MAGI1: variants seen among roughly 807,000 people sequenced by gnomAD.
The protein encoded by MAGI1 is membrane associated guanylate kinase, WW and PDZ domain containing 1, also known as membrane-associated guanylate kinase, WW and PDZ domain-containing protein 1.
Under a neutral mutation model 139.9 loss-of-function variants are expected in MAGI1, and 58 were observed. The observed-to-expected ratio is 0.41, with a 90% CI of 0.34 to 0.52. The LOEUF (loss-of-function observed/expected upper bound fraction) is 0.52. MAGI1 is among the 20% of genes least tolerant of loss of function. The pLI, the probability that MAGI1 is intolerant of heterozygous loss-of-function variation, is 0.12. For missense variants in MAGI1, 1,874 were observed against 1,901.6 expected (o/e 0.99, Z 0.27); for synonymous variants, 812 against 737.9 (o/e 1.10, Z -1.63).
intron 1 of MAGI1, among the ~76,000 whole-genome samples, chr3:65,950,044 C>CAAA (rs143046732): frequency 8.0e-5 from 4 of 49,780 alleles, no homozygotes; most frequent in African/African-American, 2.6e-4. Context: ...GCCAGATCAT[C>CAAA]AAAAAAAAAA....
At chr3:65,811,360 T>C (rs540291256) in intron 1 of MAGI1, among the ~76,000 whole-genome samples, 1 of 152,194 alleles carries the variant, frequency 6.6e-6, no homozygotes, top group Non-Finnish European at 1.5e-5. Context: ...CTTATTCCAT[T>C]AGACATTTTT....
chr3:65,870,664 T>C (rs1575782089), intron 1 of MAGI1, among the ~76,000 whole-genome samples: 1 of 134,012 alleles, frequency 7.5e-6, no homozygotes. Context: ...GGAAAGAGGG[T>C]AGAGAAGAAG....
At chr3:65,814,129 T>C (rs2041453441) in intron 1 of MAGI1, among the ~76,000 whole-genome samples, 1 of 152,120 alleles carries the variant, frequency 6.6e-6, no homozygotes, top group Admixed American at 6.5e-5. Flanking sequence ...CTAGTAAGCT[T>C]CAGAGGAGAT....
chr3:65,670,108 T>C (rs150612868), intron 1 of MAGI1, among the ~76,000 whole-genome samples: 242 of 152,302 alleles, frequency 1.6e-3, no homozygotes, highest in African/African-American at 5.3e-3. Context: ...AGAATTCATG[T>C]TGCTCGATTA....
chr3:65,401,968 C>T lies in MAGI1; in HGVS notation c.2168-498G>A, dbSNP rs571956614. The T allele has an allele frequency of 1.2e-5, 11 of 886,530 alleles. No homozygotes were observed. In the South Asian group the frequency reaches 3.7e-4, roughly 29 times the overall value. The allele number at this position is 886,530 out of a possible 1,614,324, so 54.9% of individuals were successfully genotyped here. A position where few individuals can be genotyped will look rare whatever the true frequency, so the allele number is the denominator to read the frequency against. On this transcript the variant is annotated intron_variant, in intron 12 of 22. Coordinates refer to ENST00000402939, the MANE Select transcript of MAGI1 (RefSeq NM_001033057.2). ...GGTCTTTTCTTTTTTTTTCCTCTGC[C>T]TTTCGGAAGAGGAAATGCTTTCTTT...
At chr3:65,780,269 C>T (rs2038823275) in intron 1 of MAGI1, among the ~76,000 whole-genome samples, 1 of 152,180 alleles carries the variant, frequency 6.6e-6, no homozygotes, top group Non-Finnish European at 1.5e-5. Context: ...AGTGATCCCC[C>T]CGCTTCAATC....
intron 1 of MAGI1, among the ~76,000 whole-genome samples, 188 bp from the exon 2 acceptor site, chr3:65,622,276 A>G (rs1559729466): frequency 6.6e-6 from 1 of 152,184 alleles, no homozygotes; most frequent in Non-Finnish European, 1.5e-5. Flanking sequence ...TAAAGATAAA[A>G]CAGCACTGGC....
chr3:65,654,823 T>C (rs938080510), intron 1 of MAGI1, among the ~76,000 whole-genome samples: 2 of 152,158 alleles, frequency 1.3e-5, no homozygotes, highest in South Asian at 2.1e-4. Context: ...TGCATTTCTT[T>C]TTCTAAATTT....
chr3:65,651,512 C>A (rs1013044840), intron 1 of MAGI1, among the ~76,000 whole-genome samples: 1 of 152,120 alleles, frequency 6.6e-6, no homozygotes, highest in Non-Finnish European at 1.5e-5. Context: ...CACATGGAGA[C>A]CTTTCCCTGT....
intron 2 of MAGI1, among the ~76,000 whole-genome samples, chr3:65,501,176 C>T (rs1171292951): frequency 6.6e-6 from 1 of 152,024 alleles, no homozygotes; most frequent in Non-Finnish European, 1.5e-5. Context: ...CCTTCTGAAA[C>T]TGCTTTTAAA....
At chr3:65,364,817 T>C in intron 19 of MAGI1, 36 bp downstream of exon 19, 1 of 1,611,792 alleles carries the variant, frequency 6.2e-7, no homozygotes, top group Non-Finnish European at 8.5e-7. Flanking sequence ...GAGTTACTTT[T>C]TTCCCCTTTA....
chr3:65,370,863 C>T (rs540836948), intron 18 of MAGI1, among the ~76,000 whole-genome samples: 1 of 152,346 alleles, frequency 6.6e-6, no homozygotes, highest in East Asian at 1.9e-4. Context: ...CGCTATGTTG[C>T]CCAGGCTGGC....
At chr3:65,426,537 C>T (rs1225170894) in intron 12 of MAGI1, among the ~76,000 whole-genome samples, 2 of 152,076 alleles carry the variant, frequency 1.3e-5, no homozygotes, top group Admixed American at 1.3e-4. Flanking sequence ...GTTTATCAGT[C>T]ATCTTACTAG....
chr3:65,411,483 C>T (rs1945789123), intron 12 of MAGI1, among the ~76,000 whole-genome samples: 1 of 152,098 alleles, frequency 6.6e-6, no homozygotes, highest in Admixed American at 6.6e-5. Context: ...TTTTTAACTA[C>T]ATAGGATGTA....
At chr3:65,986,854 T>G (rs540215436) in intron 1 of MAGI1, among the ~76,000 whole-genome samples, 236 of 147,994 alleles carry the variant, frequency 1.6e-3, no homozygotes, top group African/African-American at 5.1e-3. Flanking sequence ...AGGTAAGTAG[T>G]GCAATTAAGG....
At chr3:65,571,122 G>A (rs2080936316) in intron 2 of MAGI1, among the ~76,000 whole-genome samples, 1 of 152,106 alleles carries the variant, frequency 6.6e-6, no homozygotes, top group Non-Finnish European at 1.5e-5. Flanking sequence ...TTTTGAACAT[G>A]AAATATTTCC....
At chr3:66,001,190 G>A (rs936620979) in intron 1 of MAGI1, among the ~76,000 whole-genome samples, 1 of 152,128 alleles carries the variant, frequency 6.6e-6, no homozygotes, top group African/African-American at 2.4e-5. Context: ...TTTGAGCTCA[G>A]TCTTGAAGAA....
At chr3:65,893,854 A>G (rs542256962) in intron 1 of MAGI1, 11 of 152,304 alleles carry the variant, frequency 7.2e-5, no homozygotes, top group Non-Finnish European at 7.4e-5. Flanking sequence ...TGATGTCTGA[A>G]TCTTACACTG....
At chr3:65,939,430 A>G (rs933456997) in intron 1 of MAGI1, among the ~76,000 whole-genome samples, 3 of 152,216 alleles carry the variant, frequency 2.0e-5, no homozygotes, top group Admixed American at 2.0e-4. Flanking sequence ...CAAATTACCA[A>G]CAGCTAAATG....
Sources: allele counts gnomAD v4.1 joint callset (sites outside exome capture counted in the v4.1 genomes callset), GRCh38; gene constraint gnomAD v4.1.1; transcripts MANE v1.5; gene names NCBI Gene and HGNC (gene_info 2026-07-23, HGNC 2026-07-21).